Variants in L3MBTL4 observed in about 807,000 individuals in gnomAD.
L3MBTL4 encodes the protein lethal(3)malignant brain tumor-like protein 4.
Under a neutral mutation model 84.5 loss-of-function variants are expected in L3MBTL4, and 70 were observed. The ratio of observed to expected loss-of-function variants is 0.83; its 90% CI spans 0.68 to 1.01. The LOEUF is 1.01. Ranked by LOEUF, L3MBTL4 falls within the 50% of genes least tolerant of loss-of-function variation. The pLI, the probability that L3MBTL4 is intolerant of heterozygous loss-of-function variation, is 0.00. For missense variants in L3MBTL4, 715 were observed against 754.8 expected, an observed-to-expected ratio of 0.95 and a Z score of 0.62; for synonymous variants, 274 against 259.8, an observed-to-expected ratio of 1.05 and a Z score of -0.52.
At chr18:6,166,006 A>G (rs2043633881) in intron 13 of L3MBTL4, among the ~76,000 whole-genome samples, 1 of 152,152 alleles carries the variant, frequency 6.6e-6, no homozygotes, top group Non-Finnish European at 1.5e-5. Context: ...CAAATGGAAA[A>G]CAAAAAAAGG....
intron 16 of L3MBTL4, among the ~76,000 whole-genome samples, chr18:5,987,641 A>C (rs1174649996): frequency 6.6e-6 from 1 of 152,208 alleles, no homozygotes; most frequent in Non-Finnish European, 1.5e-5. Context: ...ATCTTTCTCA[A>C]TGTCTCCCTC....
At chr18:6,266,436 T>TAA (rs2048636409) in intron 4 of L3MBTL4, among the ~76,000 whole-genome samples, 1 of 152,196 alleles carries the variant, frequency 6.6e-6, no homozygotes, top group Non-Finnish European at 1.5e-5. Flanking sequence ...AGCATCTATC[T>TAA]TTGCTGTGAA....
chr18:6,408,282 C>G (rs929272648), intron 1 of L3MBTL4, among the ~76,000 whole-genome samples: 1 of 152,150 alleles, frequency 6.6e-6, no homozygotes, highest in African/African-American at 2.4e-5. Flanking sequence ...GAAGCCAGTA[C>G]GTTCATGCAC....
chr18:6,039,274 G>T (rs2145694773), intron 16 of L3MBTL4, among the ~76,000 whole-genome samples: 1 of 152,116 alleles, frequency 6.6e-6, no homozygotes, highest in East Asian at 1.9e-4. Context: ...TAATACAGTT[G>T]CTATCTAGGA....
chr18:6,297,357 A>G (rs777134646), intron 4 of L3MBTL4, among the ~76,000 whole-genome samples: 2 of 152,234 alleles, frequency 1.3e-5, no homozygotes, highest in Non-Finnish European at 2.9e-5. Context: ...GGACACTAGT[A>G]GAAAAACTGG....
intron 16 of L3MBTL4, among the ~76,000 whole-genome samples, chr18:6,005,374 C>T (rs190658783): frequency 6.1e-5 from 8 of 131,250 alleles, no homozygotes; most frequent in Non-Finnish European, 8.6e-5. Context: ...AGCACATGTA[C>T]GGGTTTGTTA....
At chr18:5,976,443 C>A (rs1202988167) in intron 16 of L3MBTL4, among the ~76,000 whole-genome samples, 2 of 152,144 alleles carry the variant, frequency 1.3e-5, no homozygotes, top group Admixed American at 1.3e-4. Flanking sequence ...TGGCCTCTCT[C>A]CAGACCCACC....
At chr18:6,185,960 C>CTATTTTTATTTTA (rs976327212) in intron 12 of L3MBTL4, among the ~76,000 whole-genome samples, 1 of 145,786 alleles carries the variant, frequency 6.9e-6, no homozygotes, top group African/African-American at 2.7e-5. Context: ...AGGGCACTTT[C>CTATTTTTATTTTA]TTTATTTTAT....
chr18:5,999,382 C>A (rs890111967), intron 16 of L3MBTL4, among the ~76,000 whole-genome samples: 3 of 152,152 alleles, frequency 2.0e-5, no homozygotes, highest in Non-Finnish European at 2.9e-5. Flanking sequence ...CCTATGCTAC[C>A]CTGTAACTGT....
intron 12 of L3MBTL4, among the ~76,000 whole-genome samples, chr18:6,207,353 T>A (rs553278907): frequency 9.2e-5 from 14 of 152,336 alleles, no homozygotes; most frequent in African/African-American, 3.1e-4. Context: ...CTACCACTTA[T>A]AAGCTGTGCA....
At chr18:6,307,791 T>C (rs776117655) in intron 3 of L3MBTL4, among the ~76,000 whole-genome samples, 1 of 152,216 alleles carries the variant, frequency 6.6e-6, no homozygotes, top group Non-Finnish European at 1.5e-5. Context: ...TGTTAAGAGG[T>C]TCACAGGGAG....
At chr18:6,049,504 C>T (rs1010892311) in intron 16 of L3MBTL4, among the ~76,000 whole-genome samples, 1 of 152,158 alleles carries the variant, frequency 6.6e-6, no homozygotes, top group African/African-American at 2.4e-5. Flanking sequence ...TAAAGAATAT[C>T]TGGTACATAT....
At chr18:6,147,345 C>T (rs1167663762) in intron 13 of L3MBTL4, among the ~76,000 whole-genome samples, 1 of 151,910 alleles carries the variant, frequency 6.6e-6, no homozygotes, top group Non-Finnish European at 1.5e-5. Flanking sequence ...AAATAAATAT[C>T]CATTGTGCTA....
chr18:6,278,543 T>C (rs2049184821), intron 4 of L3MBTL4, among the ~76,000 whole-genome samples: 1 of 152,346 alleles, frequency 6.6e-6, no homozygotes, highest in African/African-American at 2.4e-5. Context: ...GTGATATGCA[T>C]CTATAGTCTA....
intron 12 of L3MBTL4, among the ~76,000 whole-genome samples, chr18:6,188,741 C>T (rs1401992517): frequency 6.6e-6 from 1 of 152,192 alleles, no homozygotes; most frequent in East Asian, 1.9e-4. Context: ...ACCCCAGACC[C>T]TGAGCTGGCT....
chr18:6,001,691 A>C (rs1281608980), intron 16 of L3MBTL4, among the ~76,000 whole-genome samples: 1 of 152,188 alleles, frequency 6.6e-6, no homozygotes, highest in East Asian at 1.9e-4. Flanking sequence ...AGATTTGAGT[A>C]GAAGTAAGAA....
intron 16 of L3MBTL4, among the ~76,000 whole-genome samples, chr18:6,021,380 T>C (rs1270702594): frequency 6.6e-6 from 1 of 152,148 alleles, no homozygotes; most frequent in Non-Finnish European, 1.5e-5. Context: ...TGCCAATAAA[T>C]ATATCTGAAG....
At position 6,161,334 on chromosome 18, in the gene L3MBTL4, T is replaced by C. The variant is rs567120777; in HGVS notation, c.1096+10494A>G. On this transcript the variant is annotated intron_variant, in intron 13 of 18. Transcript: ENST00000317931. ...GCTGTCATCACCTGGTCATACAAAA[T>C]TGGACTCTTTTCAGTTGAATGGGAA... 6.9e-4 allele frequency among the ~76,000 whole-genome samples: 105 copies of C among 152,298 alleles called. 1 individual carries two copies. In the South Asian group the frequency reaches 0.012, roughly 17 times the overall value.
At chr18:6,228,616 G>A (rs2046873071) in intron 10 of L3MBTL4, among the ~76,000 whole-genome samples, 1 of 152,222 alleles carries the variant, frequency 6.6e-6, no homozygotes, top group East Asian at 1.9e-4. Context: ...GAGCATATAA[G>A]TACATGAAAT....
Sources: gnomAD v4.1 joint callset for allele counts (sites outside exome capture counted in the v4.1 genomes callset) on GRCh38, gnomAD v4.1.1 for gene constraint, MANE v1.5 for transcripts, NCBI Gene and HGNC (gene_info 2026-07-23, HGNC 2026-07-21) for gene names.